Variants in DLC1 observed in about 807,000 individuals in gnomAD.
The protein encoded by DLC1 is rho GTPase-activating protein 7.
DLC1 carries 54 observed loss-of-function variants against 140.3 expected under a neutral mutation model. The ratio of observed to expected loss-of-function variants is 0.38; its 90% CI spans 0.31 to 0.48. DLC1 has a LOEUF of 0.48. Among genes scored for constraint, DLC1 ranks in the 20% least tolerant of loss-of-function variants. The pLI is 0.96. For synonymous variants in DLC1, 986 were observed against 728.1 expected, an observed-to-expected ratio of 1.35 and a Z score of -5.70; for missense variants, 2,536 against 1,907.0, an observed-to-expected ratio of 1.33 and a Z score of -6.14.
chr8:13,506,567 A>ACATGTGTG (rs1491321792), intron 1 of DLC1, among the ~76,000 whole-genome samples: 6 of 111,816 alleles, frequency 5.4e-5, no homozygotes, highest in African/African-American at 1.8e-4. Context: ...ACACACACAC[A>ACATGTGTG]TGTGTGTGTG....
chr8:13,426,519 C>G (rs1047279531), intron 2 of DLC1, among the ~76,000 whole-genome samples: 11 of 152,090 alleles, frequency 7.2e-5, no homozygotes, highest in Admixed American at 3.9e-4. Context: ...TCAAATGAAC[C>G]TCAGTTTTAG....
intron 5 of DLC1, among the ~76,000 whole-genome samples, chr8:13,246,580 T>G (rs1263881957): frequency 1.3e-5 from 2 of 151,994 alleles, no homozygotes; most frequent in Non-Finnish European, 2.9e-5. Context: ...AAATGAAGAG[T>G]TCACAGCAAT....
chr8:13,274,609 A>G (rs996474503), intron 5 of DLC1, among the ~76,000 whole-genome samples: 1 of 152,248 alleles, frequency 6.6e-6, no homozygotes, highest in Non-Finnish European at 1.5e-5. Flanking sequence ...TATATAACAG[A>G]CAAATAAGAA....
At chr8:13,317,593 C>G (rs528199427) in intron 4 of DLC1, among the ~76,000 whole-genome samples, 6 of 152,138 alleles carry the variant, frequency 3.9e-5, no homozygotes, top group South Asian at 2.1e-4. Context: ...ACCAATATCA[C>G]TGAGGCATAA....
chr8:13,175,375 T>A (rs985633352), intron 5 of DLC1, among the ~76,000 whole-genome samples: 4 of 151,332 alleles, frequency 2.6e-5, no homozygotes, highest in Admixed American at 6.6e-5. Context: ...AAGTTCTGAG[T>A]AGTTTTTTTC....
chr8:13,120,351 AAAAAAAT>A (rs1820942227), intron 5 of DLC1, among the ~76,000 whole-genome samples: 1 of 124,512 alleles, frequency 8.0e-6, no homozygotes, highest in African/African-American at 3.5e-5. Flanking sequence ...GCAAAAAAAA[AAAAAAAT>A]ATATATATAT....
In DLC1 at chr8:13,100,245, T is replaced by C. The variant is rs377081345; in HGVS notation, c.2092A>G (p.Ile698Val). 18 of 1,614,118 alleles carry C rather than the reference T, an allele frequency of 1.1e-5. No homozygotes were observed. The highest frequency in any genetic ancestry group is 2.2e-5 in the South Asian group (2 of 91,076). The part of the protein sequence containing the change: ...SKLGLIISGP[I>V]LQEGMDEEKL... Reference sequence around the variant, plus strand: ...TCCTCATCCATCCCCTCTTGCAAGATGGGCCCGCTGATGATCAACCCCAGC... The same window carrying C: ...TCCTCATCCATCCCCTCTTGCAAGACGGGCCCGCTGATGATCAACCCCAGC... Residue 698 changes from isoleucine to valine, a missense_variant, in exon 9 of 18, where the codon ATC becomes GTC. Ile to Val is a conservative substitution (Grantham distance 29, BLOSUM62 3). Coordinates refer to ENST00000276297, the MANE Select transcript of DLC1 (RefSeq NM_182643.3).
chr8:13,188,228 C>T (rs1370865382), intron 5 of DLC1, among the ~76,000 whole-genome samples: 4 of 151,122 alleles, frequency 2.6e-5, no homozygotes, highest in Non-Finnish European at 5.9e-5. Context: ...GTTACAGGTG[C>T]CGGCCACCAT....
intron 1 of DLC1, among the ~76,000 whole-genome samples, chr8:13,551,128 T>C (rs1164404864): frequency 6.6e-6 from 1 of 151,478 alleles, no homozygotes; most frequent in Non-Finnish European, 1.5e-5. Context: ...TTGAAAACTC[T>C]TTGGAAAATA....
intron 4 of DLC1, among the ~76,000 whole-genome samples, chr8:13,356,022 G>A (rs1490521180): frequency 3.5e-5 from 5 of 141,016 alleles, no homozygotes; most frequent in East Asian, 2.2e-4. Flanking sequence ...CTCAGGAGGC[G>A]GAGGTTGCAG....
At chr8:13,098,034 GAAAAAAAAAAA>G (rs35785512) in intron 10 of DLC1, among the ~76,000 whole-genome samples, 1 of 68,418 alleles carries the variant, frequency 1.5e-5, no homozygotes, top group Non-Finnish European at 2.6e-5. Flanking sequence ...AAGGAAAAAA[GAAAAAAAAAAA>G]AAAAAAAAAA....
rs1022005203 is a variant in DLC1 at position 13,542,219 on chromosome 8, A to C, written c.-125-42023T>G. 7.9e-5 allele frequency among the ~76,000 whole-genome samples: 12 copies of C among 152,212 alleles called. No individual in the cohort carries two copies. In the South Asian group the frequency reaches 1.9e-3, roughly 24 times the overall value. On this transcript the variant is annotated intron_variant, in intron 1 of 1. Coordinates refer to the DLC1 transcript ENST00000631382. ...GCTCTTATATTTTGGCCTGTGTTCT[A>C]TTTAGAGACTGTCTGTGGTATAAAG... is the stretch of plus-strand genomic sequence containing the variant.
intron 15 of DLC1, among the ~76,000 whole-genome samples, chr8:13,089,163 G>A (rs1352926083): frequency 2.0e-5 from 3 of 152,082 alleles, no homozygotes; most frequent in Non-Finnish European, 4.4e-5. Context: ...GGAGGCTGAG[G>A]AAGGAGAATC....
chr8:13,125,064 C>A (rs910603884), intron 5 of DLC1, among the ~76,000 whole-genome samples: 1 of 152,088 alleles, frequency 6.6e-6, no homozygotes, highest in Non-Finnish European at 1.5e-5. Context: ...GCAACCTCTG[C>A]CTCCTGGGTT....
At chr8:13,101,773 C>T (rs866510381) in intron 8 of DLC1, among the ~76,000 whole-genome samples, 8 of 152,174 alleles carry the variant, frequency 5.3e-5, no homozygotes, top group Non-Finnish European at 8.8e-5. Flanking sequence ...TGACAGCTCG[C>T]GGCATTCATA....
intron 4 of DLC1, among the ~76,000 whole-genome samples, chr8:13,378,231 T>G (rs949749262): frequency 7.4e-5 from 11 of 149,480 alleles, no homozygotes; most frequent in African/African-American, 2.7e-4. Flanking sequence ...AGGTGTAAGA[T>G]GTCCTAATTC....
At chr8:13,203,972 C>G (rs1164076261) in intron 5 of DLC1, among the ~76,000 whole-genome samples, 1 of 152,160 alleles carries the variant, frequency 6.6e-6, no homozygotes, top group Non-Finnish European at 1.5e-5. Context: ...GCACAGACTT[C>G]ATAGCATTAG....
At chr8:13,243,403 C>T (rs984643168) in intron 5 of DLC1, among the ~76,000 whole-genome samples, 1 of 151,648 alleles carries the variant, frequency 6.6e-6, no homozygotes, top group Non-Finnish European at 1.5e-5. Context: ...TGTGAGTTTC[C>T]TGAGGCCTCC....
intron 16 of DLC1, among the ~76,000 whole-genome samples, chr8:13,086,868 A>C (rs1277811513): frequency 6.6e-6 from 1 of 152,074 alleles, no homozygotes; most frequent in Non-Finnish European, 1.5e-5. Context: ...TACTAAAAAT[A>C]AAAAATATTA....
Sources: gnomAD v4.1 joint callset for allele counts (sites outside exome capture counted in the v4.1 genomes callset) on GRCh38, gnomAD v4.1.1 for gene constraint, MANE v1.5 for transcripts, NCBI Gene and HGNC (gene_info 2026-07-23, HGNC 2026-07-21) for gene names.